Variants in STXBP5L observed in about 807,000 individuals in gnomAD.
The protein encoded by STXBP5L is syntaxin-binding protein 5-like.
STXBP5L carries 65 observed loss-of-function variants against 144.5 expected under a neutral mutation model. The observed-to-expected ratio is 0.45, with a 90% CI of 0.37 to 0.55. STXBP5L has a LOEUF of 0.55. Ranked by LOEUF, STXBP5L falls within the 20% of genes least tolerant of loss-of-function variation. The pLI, the probability that STXBP5L is intolerant of heterozygous loss-of-function variation, is 0.00. For synonymous variants in STXBP5L, 505 were observed against 469.6 expected, an observed-to-expected ratio of 1.08 and a Z score of -0.97; for missense variants, 1,298 against 1,405.5, an observed-to-expected ratio of 0.92 and a Z score of 1.22.
chr3:121,054,287 T>C (rs866015539), intron 5 of STXBP5L, among the ~76,000 whole-genome samples: 4 of 151,994 alleles, frequency 2.6e-5, no homozygotes, highest in Non-Finnish European at 4.4e-5. Context: ...AAGACACATG[T>C]GCACGAATGT....
At position 121,401,894 on chromosome 3, in the gene STXBP5L, TAAAAA is replaced by T. The variant is rs71133532; in HGVS notation, c.2588-5337_2588-5333del. Among the ~76,000 whole-genome samples, 295 of 137,652 alleles carry T rather than the reference TAAAAA, an allele frequency of 2.1e-3. 2 individuals carry two copies. Among genetic ancestry groups the T allele is most frequent in the African/African-American group, 5.7e-3 (213 of 37,438 alleles). 90.3% of individuals were successfully genotyped at this position (137,652 alleles called of 152,430 possible). On this transcript the variant is annotated intron_variant, in intron 22 of 26. Coordinates refer to ENST00000471454, the MANE Select transcript of STXBP5L (RefSeq NM_001308330.2). ...ATGTACCCTAAAACTTAGAGTATAA[TAAAAA>T]AAAAAAAAAAAGGAATTAGATTTAC...
intron 3 of STXBP5L, among the ~76,000 whole-genome samples, chr3:121,034,171 A>G (rs995479353): frequency 1.8e-4 from 28 of 152,058 alleles, no homozygotes; most frequent in Non-Finnish European, 5.9e-5. Flanking sequence ...AAGGGGTACA[A>G]TTGCAGTTTT....
intron 7 of STXBP5L, among the ~76,000 whole-genome samples, chr3:121,133,236 G>T (rs1012010017): frequency 1.3e-5 from 2 of 152,116 alleles, no homozygotes; most frequent in East Asian, 1.9e-4. Context: ...ATGATTGAAA[G>T]CCTCTCAAAT....
rs72966703 is a variant in STXBP5L at position 120,922,125 on chromosome 3, C to T, written c.189+12358C>T. 2.5e-3 allele frequency among the ~76,000 whole-genome samples: 381 copies of T among 151,952 alleles called. 2 individuals are homozygous for T. Among genetic ancestry groups the T allele is most frequent in the African/African-American group, 8.6e-3 (356 of 41,514 alleles). On this transcript the variant is annotated intron_variant, in intron 2 of 26. Transcript: ENST00000471454. Reference sequence around the variant, plus strand: ...AATTCTTTCCACTTGTTTGTGTCCTCGTCAATTCCTTTGTCAGTGTTTTAC... The same window carrying T: ...AATTCTTTCCACTTGTTTGTGTCCTTGTCAATTCCTTTGTCAGTGTTTTAC...
intron 7 of STXBP5L, among the ~76,000 whole-genome samples, chr3:121,140,275 C>T (rs1295262101): frequency 6.6e-6 from 1 of 152,046 alleles, no homozygotes; most frequent in East Asian, 1.9e-4. Flanking sequence ...TACTGGTGAA[C>T]ATATGGAGAG....
At chr3:121,062,577 T>A (rs2041336078) in intron 5 of STXBP5L, among the ~76,000 whole-genome samples, 1 of 152,260 alleles carries the variant, frequency 6.6e-6, no homozygotes, top group Admixed American at 6.5e-5. Flanking sequence ...GGGGAAGTTC[T>A]CCTGGATAAT....
intron 5 of STXBP5L, among the ~76,000 whole-genome samples, chr3:121,050,781 C>T (rs1947912282): frequency 6.6e-6 from 1 of 152,162 alleles, no homozygotes; most frequent in Admixed American, 6.5e-5. Flanking sequence ...TTAAAAGACA[C>T]AGACTGGCAA....
At chr3:121,120,945 A>T (rs2044431768) in intron 6 of STXBP5L, among the ~76,000 whole-genome samples, 1 of 151,244 alleles carries the variant, frequency 6.6e-6, no homozygotes, top group Non-Finnish European at 1.5e-5. Context: ...TGTAAGTTAA[A>T]CTAGGAATTA....
intron 20 of STXBP5L, among the ~76,000 whole-genome samples, chr3:121,347,942 C>A (rs1278035547): frequency 1.3e-5 from 2 of 152,096 alleles, no homozygotes; most frequent in Non-Finnish European, 2.9e-5. Flanking sequence ...AATTGAATAC[C>A]CTTTATTTCC....
intron 5 of STXBP5L, among the ~76,000 whole-genome samples, chr3:121,055,810 C>G (rs1202796296): frequency 6.6e-6 from 1 of 151,984 alleles, no homozygotes; most frequent in Non-Finnish European, 1.5e-5. Context: ...AGCAGTCCTC[C>G]CACCTTAGCC....
chr3:120,908,479 CAGAG>C (rs1444961342), intron 1 of STXBP5L, 145 bp downstream of exon 1: 26 of 158,554 alleles, frequency 1.6e-4, no homozygotes, highest in Admixed American at 1.5e-3. Context: ...GAGACAGAGA[CAGAG>C]AGCGAGCGCA....
At chr3:121,328,507 G>C (rs1380573632) in intron 20 of STXBP5L, among the ~76,000 whole-genome samples, 2 of 152,260 alleles carry the variant, frequency 1.3e-5, no homozygotes, top group African/African-American at 4.8e-5. Flanking sequence ...TCAGCACTTT[G>C]GGAGGCCGAG....
intron 20 of STXBP5L, among the ~76,000 whole-genome samples, chr3:121,336,481 C>T (rs1202513453): frequency 1.3e-5 from 2 of 151,934 alleles, no homozygotes; most frequent in African/African-American, 4.8e-5. Context: ...TGGGCGTCAG[C>T]AAGACCCTGT....
intron 5 of STXBP5L, among the ~76,000 whole-genome samples, chr3:121,066,649 T>G (rs1198904411): frequency 6.6e-6 from 1 of 152,146 alleles, no homozygotes; most frequent in African/African-American, 2.4e-5. Flanking sequence ...TTTTAATCTC[T>G]ATGTTCACAA....
intron 3 of STXBP5L, among the ~76,000 whole-genome samples, chr3:121,014,050 A>G (rs183780880): frequency 2.0e-4 from 31 of 152,110 alleles, no homozygotes; most frequent in Non-Finnish European, 4.6e-4. Flanking sequence ...GCCTTGCCAT[A>G]TAGTTTGAAG....
chr3:121,209,687 G>T (rs1225664104), intron 10 of STXBP5L, among the ~76,000 whole-genome samples: 1 of 152,020 alleles, frequency 6.6e-6, no homozygotes, highest in Non-Finnish European at 1.5e-5. Flanking sequence ...GCAGTGTTTG[G>T]TTTTTTGTCC....
At chr3:121,020,984 A>G (rs746627814) in intron 3 of STXBP5L, among the ~76,000 whole-genome samples, 22 of 152,112 alleles carry the variant, frequency 1.4e-4, no homozygotes, top group Non-Finnish European at 2.8e-4. Flanking sequence ...GGCAAAATGG[A>G]TAAGAATTTA....
At chr3:121,168,271 C>G (rs1031997169) in intron 9 of STXBP5L, among the ~76,000 whole-genome samples, 1 of 152,074 alleles carries the variant, frequency 6.6e-6, no homozygotes, top group Non-Finnish European at 1.5e-5. Context: ...CAGGATGGCT[C>G]TTCTTCTCCT....
chr3:121,345,865 C>T (rs1179615635), intron 20 of STXBP5L, among the ~76,000 whole-genome samples: 1 of 151,860 alleles, frequency 6.6e-6, no homozygotes, highest in Non-Finnish European at 1.5e-5. Context: ...ATGTCACCTG[C>T]CTCCTTCCCT....
Sources: allele counts gnomAD v4.1 joint callset (sites outside exome capture counted in the v4.1 genomes callset), GRCh38; gene constraint gnomAD v4.1.1; transcripts MANE v1.5; gene names NCBI Gene and HGNC (gene_info 2026-07-23, HGNC 2026-07-21).